The following HMBOX1 variants were observed in gnomAD, a reference collection of about 807,000 sequenced individuals.
The protein encoded by HMBOX1 is homeobox containing 1.
Under a neutral mutation model 54.5 loss-of-function variants are expected in HMBOX1, and 14 were observed. The observed-to-expected ratio is 0.26, with a 90% CI of 0.17 to 0.40. The LOEUF (loss-of-function observed/expected upper bound fraction) is 0.40. Ranked by LOEUF, HMBOX1 falls within the 10% of genes least tolerant of loss-of-function variation. The probability of loss-of-function intolerance (pLI) is 1.00; values close to 1 mark genes in which losing one functional copy is unlikely to be tolerated. For synonymous variants in HMBOX1, 160 were observed against 181.0 expected (o/e 0.88, Z 0.93); for missense variants, 332 against 514.4 (o/e 0.65, Z 3.43).
At chr8:28,954,937 A>G (rs942259025) in intron 1 of HMBOX1, among the ~76,000 whole-genome samples, 2 of 152,174 alleles carry the variant, frequency 1.3e-5, no homozygotes, top group African/African-American at 2.4e-5. Context: ...AGAACGAGCC[A>G]TCTTGCCACC....
At chr8:29,044,925 T>TA (rs887713884) in intron 6 of HMBOX1, among the ~76,000 whole-genome samples, 2 of 151,932 alleles carry the variant, frequency 1.3e-5, no homozygotes, top group East Asian at 1.9e-4. Context: ...AATTAGACAA[T>TA]AAAAAAAAGT....
At chr8:28,987,612 A>G (rs1249618773) in intron 4 of HMBOX1, among the ~76,000 whole-genome samples, 1 of 152,180 alleles carries the variant, frequency 6.6e-6, no homozygotes, top group African/African-American at 2.4e-5. Flanking sequence ...GAATTATCCT[A>G]TTAACTCTTA....
intron 1 of HMBOX1, among the ~76,000 whole-genome samples, chr8:28,926,862 G>T (rs1030182169): frequency 6.6e-6 from 1 of 152,166 alleles, no homozygotes; most frequent in Non-Finnish European, 1.5e-5. Context: ...GAAGGTTTTA[G>T]TACTATGAAC....
intron 1 of HMBOX1, among the ~76,000 whole-genome samples, chr8:28,930,150 A>G (rs1449873949): frequency 3.3e-5 from 5 of 152,086 alleles, no homozygotes; most frequent in Non-Finnish European, 5.9e-5. Context: ...CTTCAAACTC[A>G]TATGTCTGAA....
chr8:29,049,403 C>A, intron 9 of HMBOX1: 1 of 1,533,168 alleles, frequency 6.5e-7, no homozygotes, highest in Non-Finnish European at 8.7e-7. Flanking sequence ...AAGCAAGTTA[C>A]ACCATTCACG....
At chr8:28,977,960 A>G (rs375795909) in intron 3 of HMBOX1, among the ~76,000 whole-genome samples, 13 of 148,748 alleles carry the variant, frequency 8.7e-5, no homozygotes, top group East Asian at 8.6e-4. Context: ...AAAAAAAAAG[A>G]AAGAAAGAAA....
intron 1 of HMBOX1, among the ~76,000 whole-genome samples, chr8:28,914,391 A>G (rs1384884661): frequency 6.6e-6 from 1 of 152,188 alleles, no homozygotes; most frequent in East Asian, 1.9e-4. Flanking sequence ...GGGATCAAAT[A>G]GATACCCCAT....
Position 28,970,278 on chromosome 8 carries a change from A to G in HMBOX1, c.259A>G (p.Thr87Ala), listed in dbSNP as rs1162171667. The G allele has an allele frequency of 1.2e-6, 2 of 1,614,196 alleles. No homozygotes were observed. Among genetic ancestry groups the G allele is most frequent in the South Asian group, 2.2e-5 (2 of 91,080 alleles). Residue 87 changes from threonine to alanine, a missense_variant, in exon 3 of 10, where the codon ACA becomes GCA. By Grantham distance (58) the Thr-to-Ala change is moderately conservative. Around this residue, in one of 4 missense-constraint regions of HMBOX1, gnomAD observed 146 missense variants for 173.3 expected, o/e 0.84. Coordinates refer to ENST00000287701, the MANE Select transcript of HMBOX1 (RefSeq NM_001135726.3). This position sits in a 1 kb window ranked among gnomAD's most constrained non-coding sequence, Gnocchi z 4.3. ...NNVPASSSTA[T>A]ASTQTQHSGM... ...TGTCCCAGCATCTTCCTCTACAGCT[A>G]CAGCTTCCACACAGACGCAGCATTC...
chr8:29,022,213 T>G (rs1801293829), intron 6 of HMBOX1, among the ~76,000 whole-genome samples: 1 of 152,066 alleles, frequency 6.6e-6, no homozygotes, highest in African/African-American at 2.4e-5. Flanking sequence ...GGCCAGGAGT[T>G]TGAGACTAGC....
chr8:29,048,852 AT>A, intron 8 of HMBOX1, 101 bp from the exon 9 acceptor site: 1 of 773,116 alleles, frequency 1.3e-6, no homozygotes, highest in Non-Finnish European at 2.1e-6. Context: ...TTCTTGTTTA[AT>A]TACATTCTAA....
At chr8:28,893,273 A>G (rs1811398271) in intron 1 of HMBOX1, among the ~76,000 whole-genome samples, 1 of 152,216 alleles carries the variant, frequency 6.6e-6, no homozygotes, top group Non-Finnish European at 1.5e-5. Flanking sequence ...GTTAAAGCAT[A>G]AAACATTCTC....
chr8:29,010,046 T>C (rs1834028325), intron 5 of HMBOX1: 1 of 984,768 alleles, frequency 1.0e-6, no homozygotes, highest in African/African-American at 1.7e-5. Context: ...AGAGATGTAT[T>C]TTTGTGTGTA....
intron 4 of HMBOX1, among the ~76,000 whole-genome samples, chr8:28,980,706 G>A (rs1829192099): frequency 6.6e-6 from 1 of 151,932 alleles, no homozygotes; most frequent in Non-Finnish European, 1.5e-5. Flanking sequence ...GTGTATATGT[G>A]TCATTCTCTA....
chr8:28,977,722 C>T (rs1174761520), intron 3 of HMBOX1, among the ~76,000 whole-genome samples: 3 of 151,848 alleles, frequency 2.0e-5, no homozygotes, highest in South Asian at 2.1e-4. Context: ...GGGTGGATCA[C>T]GAGGTCAGGA....
At chr8:28,894,251 A>G (rs1399775782) in intron 1 of HMBOX1, among the ~76,000 whole-genome samples, 1 of 152,204 alleles carries the variant, frequency 6.6e-6, no homozygotes, top group Non-Finnish European at 1.5e-5. Context: ...CTAGAGTGCC[A>G]TATATGTACA....
At chr8:29,015,006 A>C (rs1035731248) in intron 5 of HMBOX1, among the ~76,000 whole-genome samples, 2 of 152,124 alleles carry the variant, frequency 1.3e-5, no homozygotes, top group African/African-American at 4.8e-5. Context: ...TAACCAGGCC[A>C]CTACTTACTT....
At chr8:29,010,529 C>T (rs1834085753) in intron 5 of HMBOX1, among the ~76,000 whole-genome samples, 1 of 151,626 alleles carries the variant, frequency 6.6e-6, no homozygotes, top group South Asian at 2.1e-4. Flanking sequence ...GCACTCCAGC[C>T]TGGATGACAA....
intron 1 of HMBOX1, among the ~76,000 whole-genome samples, chr8:28,920,286 A>G (rs1817325947): frequency 1.3e-5 from 2 of 152,208 alleles, no homozygotes; most frequent in Admixed American, 1.3e-4. Context: ...AGTTCCTACT[A>G]TAAACAAGGT....
At chr8:29,034,725 T>A (rs368656384) in intron 6 of HMBOX1, among the ~76,000 whole-genome samples, 1 of 152,070 alleles carries the variant, frequency 6.6e-6, no homozygotes, top group South Asian at 2.1e-4. Flanking sequence ...GGCATGGTGG[T>A]GCATGCCTGT....
Sources: allele counts gnomAD v4.1 joint callset (sites outside exome capture counted in the v4.1 genomes callset), GRCh38; gene constraint gnomAD v4.1.1; regional missense constraint gnomAD v4.1.1; non-coding constraint Gnocchi (gnomAD v3.1); transcripts MANE v1.5; gene names NCBI Gene and HGNC (gene_info 2026-07-23, HGNC 2026-07-21).